CNTN5: variants seen among roughly 807,000 people sequenced by gnomAD.
CNTN5 encodes contactin-5.
A neutral mutation model predicts 129.1 loss-of-function variants in CNTN5; 77 were observed. That is an observed-to-expected ratio of 0.60 (90% CI 0.50 to 0.72). The LOEUF is 0.72. Among genes scored for constraint, CNTN5 ranks in the 30% least tolerant of loss-of-function variants. The probability of loss-of-function intolerance (pLI) is 0.00; values close to 1 mark genes in which losing one functional copy is unlikely to be tolerated. For missense variants in CNTN5, 1,478 were observed against 1,328.8 expected (o/e 1.11, Z -1.75); for synonymous variants, 509 against 465.6 (o/e 1.09, Z -1.20).
intron 23 of CNTN5, among the ~76,000 whole-genome samples, chr11:100,349,752 C>T (rs1952362930): frequency 6.6e-6 from 1 of 151,824 alleles, no homozygotes; most frequent in Non-Finnish European, 1.5e-5. Context: ...TTAAACACAT[C>T]TTAACTGCCA....
rs552984300 is a variant in CNTN5 at position 99,941,774 on chromosome 11, C to A, written c.674-15032C>A. Among the ~76,000 whole-genome samples the A allele has an allele frequency of 2.0e-5, 3 of 152,038 alleles. No individual in the cohort carries two copies. The South Asian group carries it at 6.2e-4, about 32-fold the overall frequency. ...TTAAGGTAAAAATTATTGCACGTGTCCTAAGTTGGAAACTAACAGCAGGGC... is the reference window on the plus strand; with the variant it reads ...TTAAGGTAAAAATTATTGCACGTGTACTAAGTTGGAAACTAACAGCAGGGC... On this transcript the variant is annotated intron_variant, in intron 7 of 24. Coordinates refer to ENST00000524871, the MANE Select transcript of CNTN5 (RefSeq NM_014361.4).
chr11:99,639,582 T>TTTTTTTG (rs1254982934), intron 3 of CNTN5, among the ~76,000 whole-genome samples: 1 of 145,256 alleles, frequency 6.9e-6, no homozygotes, highest in Admixed American at 6.8e-5. Context: ...TTTTTTTTTT[T>TTTTTTTG]GAGACGGAGT....
At chr11:100,084,669 G>GA (rs527574160) in intron 13 of CNTN5, among the ~76,000 whole-genome samples, 14 of 149,574 alleles carry the variant, frequency 9.4e-5, no homozygotes, top group South Asian at 6.4e-4. Flanking sequence ...TGTGGTTTCT[G>GA]AAAAAAAAAG....
At chr11:99,819,906 G>C in intron 4 of CNTN5, 141 bp downstream of exon 4, 6 of 654,544 alleles carry the variant, frequency 9.2e-6, no homozygotes, top group Non-Finnish European at 1.6e-5. Flanking sequence ...AAGCAGGAGA[G>C]TTTTTAAAGC....
rs780733634 is a variant in CNTN5 at position 99,261,367 on chromosome 11, GT to G, written c.-209-63976del. ...CTACTCAATAGCCCCTGTTTATTGG[GT>G]TTAATGTAGTAAAACATTGATTGTT... On this transcript the variant is annotated intron_variant, in intron 1 of 24. Transcript: ENST00000524871. Among the ~76,000 whole-genome samples the G allele has an allele frequency of 4.9e-4, 75 of 152,028 alleles. 1 individual carries two copies. The highest frequency in any genetic ancestry group is 3.4e-3 in the Middle Eastern group (1 of 292).
intron 3 of CNTN5, among the ~76,000 whole-genome samples, chr11:99,684,635 A>G (rs1953706538): frequency 2.0e-5 from 3 of 151,884 alleles, no homozygotes; most frequent in Admixed American, 1.3e-4. Flanking sequence ...TTACATTCCC[A>G]GATTCCTAAG....
intron 3 of CNTN5, among the ~76,000 whole-genome samples, chr11:99,762,812 A>G (rs952999392): frequency 6.6e-6 from 1 of 152,182 alleles, no homozygotes; most frequent in Non-Finnish European, 1.5e-5. Flanking sequence ...CCTATAGTAC[A>G]CAAATACTTT....
intron 6 of CNTN5, among the ~76,000 whole-genome samples, chr11:99,859,568 A>C (rs2135759103): frequency 6.6e-6 from 1 of 152,102 alleles, no homozygotes; most frequent in East Asian, 1.9e-4. Context: ...TGTACCCATT[A>C]TTTATCTCGT....
chr11:99,955,964 T>G (rs1349781), intron 7 of CNTN5, among the ~76,000 whole-genome samples: 1 of 151,926 alleles, frequency 6.6e-6, no homozygotes, highest in African/African-American at 2.4e-5. Context: ...CCTGAAAATA[T>G]TTAAGTATCC....
intron 1 of CNTN5, among the ~76,000 whole-genome samples, chr11:99,134,916 G>C (rs975898900): frequency 5.9e-5 from 9 of 152,200 alleles, no homozygotes; most frequent in African/African-American, 2.2e-4. Context: ...GCAAAAGGAA[G>C]TAAATGCAGA....
At chr11:100,025,426 C>A (rs1457882100) in intron 9 of CNTN5, among the ~76,000 whole-genome samples, 1 of 152,218 alleles carries the variant, frequency 6.6e-6, no homozygotes, top group East Asian at 1.9e-4. Context: ...CAGAAGGGAA[C>A]TGTTGGGTTG....
intron 13 of CNTN5, among the ~76,000 whole-genome samples, chr11:100,133,745 A>T (rs575960382): frequency 6.6e-6 from 1 of 152,250 alleles, no homozygotes; most frequent in African/African-American, 2.4e-5. Context: ...GAAAGGGTCT[A>T]GACTATTTGG....
intron 2 of CNTN5, among the ~76,000 whole-genome samples, chr11:99,370,720 G>A (rs1939770992): frequency 6.6e-6 from 1 of 152,156 alleles, no homozygotes; most frequent in Non-Finnish European, 1.5e-5. Context: ...GGATATTGTT[G>A]CTACTCTCTG....
intron 1 of CNTN5, among the ~76,000 whole-genome samples, chr11:99,305,511 T>C (rs747254174): frequency 1.2e-4 from 18 of 152,208 alleles, no homozygotes; most frequent in African/African-American, 2.2e-4. Flanking sequence ...ATATTAAAAA[T>C]GTCCTACCTT....
At chr11:99,927,671 C>T (rs1250420766) in intron 7 of CNTN5, among the ~76,000 whole-genome samples, 2 of 152,106 alleles carry the variant, frequency 1.3e-5, no homozygotes, top group African/African-American at 4.8e-5. Context: ...GATAACTGCT[C>T]TCATGATTAA....
chr11:100,175,600 C>T (rs1417416188), intron 13 of CNTN5, among the ~76,000 whole-genome samples: 1 of 151,950 alleles, frequency 6.6e-6, no homozygotes, highest in Non-Finnish European at 1.5e-5. Context: ...AAGGAGGTTA[C>T]GAATTAGTCA....
chr11:100,287,015 G>A (rs1017097501), intron 18 of CNTN5, among the ~76,000 whole-genome samples: 5 of 152,028 alleles, frequency 3.3e-5, no homozygotes, highest in Non-Finnish European at 7.4e-5. Context: ...AGCAATGGAA[G>A]ATGAAATGAA....
chr11:99,791,358 A>G (rs965581755), intron 3 of CNTN5, among the ~76,000 whole-genome samples: 4 of 152,298 alleles, frequency 2.6e-5, no homozygotes, highest in East Asian at 1.9e-4. Flanking sequence ...GACCTTCTGC[A>G]TATGGCTAGC....
chr11:99,371,333 T>A (rs1316846835), intron 2 of CNTN5, among the ~76,000 whole-genome samples: 1 of 151,954 alleles, frequency 6.6e-6, no homozygotes, highest in Non-Finnish European at 1.5e-5. Flanking sequence ...ATATATGAAA[T>A]AATTATACAT....
Sources: allele counts gnomAD v4.1 joint callset (sites outside exome capture counted in the v4.1 genomes callset), GRCh38; gene constraint gnomAD v4.1.1; transcripts MANE v1.5; gene names NCBI Gene and HGNC (gene_info 2026-07-23, HGNC 2026-07-21).